Variants in CYP11A1 observed in about 807,000 individuals in gnomAD.
CYP11A1 encodes cytochrome P450 family 11 subfamily A member 1, also known as cholesterol side-chain cleavage enzyme, mitochondrial.
CYP11A1 carries 25 observed loss-of-function variants against 51.9 expected under a neutral mutation model. The ratio of observed to expected loss-of-function variants is 0.48; its 90% CI spans 0.35 to 0.67. The LOEUF (loss-of-function observed/expected upper bound fraction) is 0.67, where lower values mean the gene tolerates loss of function less well. Ranked by LOEUF, CYP11A1 falls within the 30% of genes least tolerant of loss-of-function variation. The pLI is 0.00. For missense variants in CYP11A1, 578 were observed against 680.9 expected (o/e 0.85, Z 1.68); for synonymous variants, 245 against 262.1 (o/e 0.93, Z 0.63).
At chr15:74,348,098 G>A in intron 1 of CYP11A1, 43 bp from the exon 2 acceptor site, 1 of 1,607,282 alleles carries the variant, frequency 6.2e-7, no homozygotes, top group Non-Finnish European at 8.5e-7. Context: ...GATCCGAGGA[G>A]AGCTATGGAT....
chr15:74,344,235 G>A (rs191913563), intron 3 of CYP11A1, among the ~76,000 whole-genome samples: 1 of 152,334 alleles, frequency 6.6e-6, no homozygotes, highest in Admixed American at 6.5e-5. Flanking sequence ...CTGAAAGGTG[G>A]GAAGCAGGGT....
In CYP11A1 at chr15:74,337,771, G is replaced by A. The variant is rs549658330; in HGVS notation, c.*201C>T. 9 of 664,914 alleles carry A rather than the reference G, an allele frequency of 1.4e-5. No individual in the cohort carries two copies. Among genetic ancestry groups the A allele is most frequent in the Middle Eastern group, 4.1e-4 (1 of 2,436 alleles). The allele number at this position is 664,914 out of a possible 1,614,324, so 41.2% of individuals were successfully genotyped here. ...GGAACGCAAGACACCACATGGTTCA[G>A]CTGTTTATTGTCTCCATGGGGTGGG... On this transcript the variant is annotated 3_prime_UTR_variant, in exon 9 of 9. Coordinates refer to ENST00000268053, the MANE Select transcript of CYP11A1 (RefSeq NM_000781.3).
chr15:74,366,278 T>A (rs992004600), intron 1 of CYP11A1: 13 of 137,170 alleles, frequency 9.5e-5, no homozygotes, highest in Middle Eastern at 3.0e-3. Context: ...CCTCCCCCGA[T>A]TTTTTTTTTT....
chr15:74,348,036 C>T lies in CYP11A1; in HGVS notation c.289G>A (p.Glu97Lys). The change falls in exon 2 of 9, where the codon GAG becomes AAG. Residue 97 changes from glutamate to lysine, a missense_variant. By Grantham distance (56) the Glu-to-Lys change is moderately conservative. Transcript: ENST00000268053. ...TCAGGGTCGATGACATAAACCGACTCCACGTTGCCGAGCTTCTCCCTGGAG... is the reference window on the plus strand; with the variant it reads ...TCAGGGTCGATGACATAAACCGACTTCACGTTGCCGAGCTTCTCCCTGGAG... ...PIYREKLGNV[E>K]SVYVIDPEDV... 1 of 1,614,206 alleles carries T rather than the reference C, an allele frequency of 6.2e-7. No individual in the cohort carries two copies. Among genetic ancestry groups the T allele is most frequent in the African/African-American group, 1.3e-5 (1 of 75,072 alleles).
At chr15:74,362,455 TA>T (rs199615608) in intron 1 of CYP11A1, 120 of 151,950 alleles carry the variant, frequency 7.9e-4, no homozygotes, top group Admixed American at 1.1e-3. Context: ...TTCACCAGAT[TA>T]AAAAAAAAAG....
chr15:74,347,400 C>A (rs1360382583), intron 2 of CYP11A1, among the ~76,000 whole-genome samples: 1 of 152,016 alleles, frequency 6.6e-6, no homozygotes, highest in Non-Finnish European at 1.5e-5. Flanking sequence ...ACAATGAGAT[C>A]CCATCTCAAA....
At chr15:74,340,649 TACTC>T (rs2060602328) in intron 5 of CYP11A1, among the ~76,000 whole-genome samples, 2 of 152,204 alleles carry the variant, frequency 1.3e-5, no homozygotes, top group Non-Finnish European at 2.9e-5. Context: ...CCTCGTTTAA[TACTC>T]ACAAACAAAC....
chr15:74,344,568 G>C (rs184340783), intron 3 of CYP11A1, among the ~76,000 whole-genome samples: 1 of 152,200 alleles, frequency 6.6e-6, no homozygotes, highest in Non-Finnish European at 1.5e-5. Context: ...GCCTTTGTAT[G>C]TGTGGTTCCC....
Position 74,338,760 on chromosome 15 carries a change from C to T in CYP11A1, c.1245G>A (p.Val415=). The part of the protein sequence containing the change: ...RDYMIPAKTL[V]QVAIYALGRE... ...GGCCCAGAGCATAGATGGCCACTTG[C>T]ACCAGTGTCTGGGGCAAGGTGATCA... Residue 415 remains valine, a synonymous_variant, in exon 8 of 9, where the codon GTG becomes GTA. Transcript: ENST00000268053. 6.2e-7 allele frequency: 1 copy of T among 1,614,138 alleles called. No individual in the cohort carries two copies. The highest frequency in any genetic ancestry group is 8.5e-7 in the Non-Finnish European group (1 of 1,179,998).
chr15:74,343,121 C>A lies in CYP11A1; in HGVS notation c.846G>T (p.Gln282His). 6.2e-7 allele frequency: 1 copy of A among 1,613,826 alleles called. No homozygotes were observed. Among genetic ancestry groups the A allele is most frequent in the Non-Finnish European group, 8.5e-7 (1 of 1,180,026 alleles). The change falls in exon 5 of 9, where the codon CAG becomes CAT. Residue 282 changes from glutamine (Q) to histidine (H), a missense_variant. Coordinates refer to ENST00000268053, the MANE Select transcript of CYP11A1 (RefSeq NM_000781.3). ...TCTGTCTCAATTCCCAGTAGAAGTT[C>A]TGGGTGTATATGTCAGCTGTGGGGA... is the stretch of plus-strand genomic sequence containing the variant. ...VIFSKADIYT[Q>H]NFYWELRQKG... is the part of the protein sequence containing the mutation.
At chr15:74,357,847 A>C (rs1226046839) in intron 1 of CYP11A1, among the ~76,000 whole-genome samples, 2 of 151,728 alleles carry the variant, frequency 1.3e-5, no homozygotes, top group African/African-American at 4.8e-5. Flanking sequence ...TGCTCAACTC[A>C]CTCTCTCCAG....
rs1001293993 is a variant in CYP11A1, at chr15:74,339,576, T to A, written c.1157+11A>T. 6.2e-6 allele frequency: 10 copies of A among 1,612,138 alleles called. No homozygotes were observed. The highest frequency in any genetic ancestry group is 1.3e-5 in the African/African-American group (1 of 74,882). ...TGGAGTTGGGGGCGGCATGGGTGGT[T>A]GTGGGCTTGCCTTAGTGTCTCCTTG... is the stretch of plus-strand genomic sequence containing the variant. On this transcript the variant is annotated intron_variant, in intron 6 of 8. Coordinates refer to ENST00000268053, the MANE Select transcript of CYP11A1 (RefSeq NM_000781.3).
intron 1 of CYP11A1, among the ~76,000 whole-genome samples, chr15:74,360,033 A>G (rs1303349271): frequency 6.6e-6 from 1 of 152,256 alleles, no homozygotes; most frequent in African/African-American, 2.4e-5. Flanking sequence ...AAATAAAGAC[A>G]GTTTTCAAGA....
chr15:74,338,985 C>T (rs2060593201), intron 7 of CYP11A1, among the ~76,000 whole-genome samples: 1 of 152,200 alleles, frequency 6.6e-6, no homozygotes, highest in Admixed American at 6.5e-5. Flanking sequence ...GGCTGAAGAC[C>T]CAAGGCCAGG....
chr15:74,338,579 G>A lies in CYP11A1; in HGVS notation c.1426C>T (p.Leu476Phe). ...TCCCCAGCTTGACTCACATTGATGA[G>A]GAAGATGGTCATCTCTAGCTCAGCG... ...RIAELEMTIF[L>F]INMLENFRVE... The change falls in exon 8 of 9, where the codon CTC (leucine) becomes TTC (phenylalanine). Residue 476 changes from leucine to phenylalanine, a missense_variant. Leu to Phe is a conservative substitution (Grantham distance 22). Coordinates refer to ENST00000268053, the MANE Select transcript of CYP11A1 (RefSeq NM_000781.3). 6.2e-7 allele frequency: 1 copy of A among 1,614,128 alleles called. No homozygotes were observed. The highest frequency in any genetic ancestry group is 1.3e-5 in the African/African-American group (1 of 75,010).
chr15:74,348,591 C>T (rs1280173368), intron 1 of CYP11A1, among the ~76,000 whole-genome samples: 1 of 152,218 alleles, frequency 6.6e-6, no homozygotes, highest in Non-Finnish European at 1.5e-5. Context: ...GCCACCCTGA[C>T]CCTAAGAGTC....
intron 1 of CYP11A1, chr15:74,365,770 C>A (rs542708300): frequency 2.0e-6 from 2 of 985,430 alleles, no homozygotes; most frequent in Non-Finnish European, 2.4e-6. Flanking sequence ...GTGAACGCAG[C>A]GAGCGAGGGC....
rs150615098 is a variant in CYP11A1, at chr15:74,338,119, G to T, written c.1435-16C>A. The T allele has an allele frequency of 6.2e-7, 1 of 1,614,028 alleles. No individual in the cohort carries two copies. Among genetic ancestry groups the T allele is most frequent in the East Asian group, 2.2e-5 (1 of 44,896 alleles). The stretch of plus-strand genomic sequence containing the variant: ...TCTCCAGCATCTGAGAAAGGCAGAT[G>T]GTAGGTTTAGGGGAGGGCAGGGGAG... On this transcript the variant is annotated splice_polypyrimidine_tract_variant and intron_variant, in intron 8 of 8. Coordinates refer to ENST00000268053, the MANE Select transcript of CYP11A1 (RefSeq NM_000781.3).
Position 74,337,918 on chromosome 15 carries a change from A to ATGGGCCCCACCCC in CYP11A1, c.*41_*53dup. The ATGGGCCCCACCCC allele has an allele frequency of 6.2e-7, 1 of 1,611,344 alleles. No homozygotes were observed. The highest frequency in any genetic ancestry group is 1.1e-5 in the South Asian group (1 of 90,882). On this transcript the variant is annotated 3_prime_UTR_variant, in exon 9 of 9. Coordinates refer to ENST00000268053, the MANE Select transcript of CYP11A1 (RefSeq NM_000781.3). ...AGACGACTGAAGATGCAGAGACCCC[A>ATGGGCCCCACCCC]TGGGCCCCACCCCTGGGCCTTCCTC...
Sources: allele counts gnomAD v4.1 joint callset (sites outside exome capture counted in the v4.1 genomes callset), GRCh38; gene constraint gnomAD v4.1.1; transcripts MANE v1.5; gene names NCBI Gene and HGNC (gene_info 2026-07-23, HGNC 2026-07-21).